Variants in TTC39B observed in about 807,000 individuals in gnomAD.
TTC39B encodes tetratricopeptide repeat domain 39B, also known as tetratricopeptide repeat protein 39B.
TTC39B carries 92 observed loss-of-function variants against 96.6 expected under a neutral mutation model. That is an observed-to-expected ratio of 0.95 (90% CI 0.80 to 1.13). The LOEUF (loss-of-function observed/expected upper bound fraction) is 1.13, where lower values mean the gene tolerates loss of function less well. TTC39B is among the 50% of genes most tolerant of loss of function. TTC39B has a pLI of 0.00. For missense variants in TTC39B, 955 were observed against 809.3 expected, an observed-to-expected ratio of 1.18 and a Z score of -2.18; for synonymous variants, 367 against 299.4, an observed-to-expected ratio of 1.23 and a Z score of -2.33.
At chr9:15,270,899 G>A (rs1314838577) in intron 1 of TTC39B, among the ~76,000 whole-genome samples, 1 of 152,166 alleles carries the variant, frequency 6.6e-6, no homozygotes, top group Non-Finnish European at 1.5e-5. Context: ...AAAAGGAAAG[G>A]TGAAGAGAAG....
At chr9:15,201,175 T>C (rs139073415) in intron 7 of TTC39B, among the ~76,000 whole-genome samples, 1 of 152,172 alleles carries the variant, frequency 6.6e-6, no homozygotes, top group African/African-American at 2.4e-5. Flanking sequence ...TCAATGTTTA[T>C]CTTCTTAAAT....
chr9:15,172,509 C>T (rs1817716427), intron 19 of TTC39B, among the ~76,000 whole-genome samples: 1 of 152,092 alleles, frequency 6.6e-6, no homozygotes, highest in Admixed American at 6.5e-5. Flanking sequence ...CATGATCGAT[C>T]ACTCAAGAAA....
chr9:15,223,909 C>T (rs906189268), intron 3 of TTC39B, among the ~76,000 whole-genome samples: 1 of 151,882 alleles, frequency 6.6e-6, no homozygotes, highest in Admixed American at 6.6e-5. Context: ...CCTGTGCTAT[C>T]ATGAAAACAC....
intron 2 of TTC39B, among the ~76,000 whole-genome samples, chr9:15,256,731 G>C (rs1268677482): frequency 6.6e-6 from 1 of 152,172 alleles, no homozygotes; most frequent in Non-Finnish European, 1.5e-5. Flanking sequence ...GCCCTCAAAA[G>C]AGTGAGGGCA....
rs1823356823 is a variant in TTC39B at position 15,271,615 on chromosome 9, G to C, written c.241-3667C>G. Among the ~76,000 whole-genome samples, 3 of 152,216 alleles carry C rather than the reference G, an allele frequency of 2.0e-5. No individual in the cohort carries two copies. In the South Asian group the frequency reaches 6.2e-4, roughly 32 times the overall value. On this transcript the variant is annotated intron_variant, in intron 1 of 19. Transcript: ENST00000512701. ...TAACACGGGGTGGAGCTGTGGTAAT[G>C]CTCGCCCGCCCACCACTCACCTCCT... is the stretch of plus-strand genomic sequence containing the variant.
chr9:15,184,620 G>C (rs893390801), intron 16 of TTC39B, among the ~76,000 whole-genome samples: 2 of 152,142 alleles, frequency 1.3e-5, no homozygotes, highest in Non-Finnish European at 2.9e-5. Context: ...CAGAAGCCTT[G>C]CCTAAATGGC....
chr9:15,207,351 A>G (rs1033967216), intron 6 of TTC39B, among the ~76,000 whole-genome samples: 2 of 152,210 alleles, frequency 1.3e-5, no homozygotes, highest in African/African-American at 4.8e-5. Flanking sequence ...CAGATTTCCT[A>G]AAGTGCCATT....
In TTC39B at chr9:15,306,340, G is replaced by A. The variant is rs919527217; in HGVS notation, c.240+744C>T. Among the ~76,000 whole-genome samples the A allele has an allele frequency of 2.6e-5, 4 of 152,218 alleles. No individual in the cohort carries two copies. The highest frequency in any genetic ancestry group is 9.6e-5 in the African/African-American group (4 of 41,472). ...AGCCCCTGGGTGCTCAGGCCCGGGCGCGCCACGACTGAAGGAGTGGCTAAT... is the reference window on the plus strand; with the variant it reads ...AGCCCCTGGGTGCTCAGGCCCGGGCACGCCACGACTGAAGGAGTGGCTAAT... On this transcript the variant is annotated intron_variant, in intron 1 of 19. Transcript: ENST00000512701. The surrounding 1 kb of genome is among the most constrained non-coding windows in gnomAD (Gnocchi z 5.1).
intron 19 of TTC39B, among the ~76,000 whole-genome samples, chr9:15,172,717 C>A (rs887890734): frequency 6.6e-6 from 1 of 152,052 alleles, no homozygotes; most frequent in Non-Finnish European, 1.5e-5. Context: ...CCTCCCTTTA[C>A]CAGAATTGTT....
chr9:15,185,471 T>C (rs570923744), intron 15 of TTC39B, 65 bp from the exon 16 acceptor site: 7 of 1,595,566 alleles, frequency 4.4e-6, no homozygotes, highest in East Asian at 2.3e-5. Flanking sequence ...TTTGTACCTG[T>C]GGTTTTCACA....
intron 2 of TTC39B, among the ~76,000 whole-genome samples, chr9:15,232,652 G>C: frequency 6.6e-6 from 1 of 152,214 alleles, no homozygotes; most frequent in Non-Finnish European, 1.5e-5. Context: ...AGAAATGAGG[G>C]AAGAGACTAA....
chr9:15,224,943 A>C lies in TTC39B; in HGVS notation c.371+974T>G, dbSNP rs539248590. On this transcript the variant is annotated intron_variant, in intron 3 of 19. Transcript: ENST00000512701. ...GTATAAAGAACACACGCATAGCTGA[A>C]ATTTCAAATGCAAAATCCAAAATGC... Among the ~76,000 whole-genome samples the C allele has an allele frequency of 1.1e-3, 166 of 152,340 alleles. 1 individual carries two copies. Among genetic ancestry groups the C allele is most frequent in the African/African-American group, 3.0e-3 (126 of 41,572 alleles).
chr9:15,235,994 C>T (rs1821762389), intron 2 of TTC39B, among the ~76,000 whole-genome samples: 1 of 152,056 alleles, frequency 6.6e-6, no homozygotes, highest in South Asian at 2.1e-4. Flanking sequence ...GACCTAAATG[C>T]CCCACTTAAA....
At chr9:15,299,126 G>A (rs1165127128) in intron 1 of TTC39B, among the ~76,000 whole-genome samples, 3 of 152,142 alleles carry the variant, frequency 2.0e-5, no homozygotes, top group Non-Finnish European at 4.4e-5. Context: ...CATAACCTGA[G>A]GCAGGAGCTG....
At chr9:15,214,862 G>A (rs2131363897) in intron 3 of TTC39B, among the ~76,000 whole-genome samples, 1 of 152,244 alleles carries the variant, frequency 6.6e-6, no homozygotes, top group South Asian at 2.1e-4. Flanking sequence ...CAGAGATTTT[G>A]TTCTTTAAAG....
intron 1 of TTC39B, among the ~76,000 whole-genome samples, chr9:15,298,756 A>T (rs1279073770): frequency 6.6e-6 from 1 of 152,072 alleles, no homozygotes; most frequent in Non-Finnish European, 1.5e-5. Context: ...CCTCTCATCT[A>T]TCTATATATT....
chr9:15,290,470 C>CA lies in TTC39B; in HGVS notation c.240+16613dup, dbSNP rs553885273. ...GGGCCCCAGAATCTTTACCATAAAA[C>CA]AGAGTTCTGTTCAATCTCACCCTGA... On this transcript the variant is annotated intron_variant, in intron 1 of 19. Transcript: ENST00000512701. Among the ~76,000 whole-genome samples the CA allele has an allele frequency of 9.8e-5, 15 of 152,286 alleles. No individual in the cohort carries two copies. The East Asian group carries it at 2.7e-3, about 27-fold the overall frequency.
intron 3 of TTC39B, 101 bp from the exon 4 acceptor site, chr9:15,214,350 G>C (rs868044544): frequency 7.5e-4 from 416 of 551,738 alleles, no homozygotes; most frequent in Admixed American, 2.3e-3. Flanking sequence ...GTGTGTGTCT[G>C]TGTGTGTGTG....
intron 2 of TTC39B, among the ~76,000 whole-genome samples, chr9:15,251,700 C>CATATATATATATATATATATATATAT (rs57422881): frequency 3.2e-4 from 31 of 98,336 alleles, no homozygotes; most frequent in East Asian, 1.6e-3. Flanking sequence ...CATACATATA[C>CATATATATATATATATATATATATAT]ATATATATAT....
Sources: allele counts gnomAD v4.1 joint callset (sites outside exome capture counted in the v4.1 genomes callset), GRCh38; gene constraint gnomAD v4.1.1; non-coding constraint Gnocchi (gnomAD v3.1); transcripts MANE v1.5; gene names NCBI Gene and HGNC (gene_info 2026-07-23, HGNC 2026-07-21).